PABPC4L: variants seen among roughly 807,000 people sequenced by gnomAD.
PABPC4L encodes poly(A) binding protein cytoplasmic 4 like.
For synonymous variants in PABPC4L, 169 were observed against 164.1 expected (o/e 1.03, Z -0.23); for missense variants, 452 against 451.4 (o/e 1.00, Z -0.01).
At chr4:134,078,024 A>C in the PABPC4L span, among the ~76,000 whole-genome samples, 2 of 152,180 alleles carry the variant, frequency 1.3e-5, no homozygotes, top group South Asian at 4.1e-4. Context: ...CAAAAAAGAT[A>C]TTTAAAAAAT....
chr4:134,152,447 C>A, the PABPC4L span, among the ~76,000 whole-genome samples: 1 of 152,166 alleles, frequency 6.6e-6, no homozygotes, highest in African/African-American at 2.4e-5. Context: ...CACAGCTCCA[C>A]TAAGCAAAGC....
the PABPC4L span, among the ~76,000 whole-genome samples, chr4:134,035,882 G>A: frequency 1.3e-5 from 2 of 151,820 alleles, no homozygotes; most frequent in African/African-American, 4.8e-5. Context: ...TCATTTGCTT[G>A]TTTTTCTTAT....
At chr4:134,021,211 A>G in the PABPC4L span, among the ~76,000 whole-genome samples, 20 of 152,282 alleles carry the variant, frequency 1.3e-4, no homozygotes, top group African/African-American at 4.6e-4. Flanking sequence ...TAAGGAAGTA[A>G]TCTTAAGAAA....
At chr4:134,011,160 C>G in the PABPC4L span, among the ~76,000 whole-genome samples, 1 of 151,972 alleles carries the variant, frequency 6.6e-6, no homozygotes, top group Admixed American at 6.6e-5. Context: ...CATTTTGTGG[C>G]TCAAATAAGA....
the PABPC4L span, among the ~76,000 whole-genome samples, chr4:134,155,007 T>C: frequency 6.6e-4 from 100 of 152,186 alleles, no homozygotes; most frequent in African/African-American, 2.3e-3. Flanking sequence ...AAATCACCAT[T>C]ATTATACAAA....
At chr4:134,195,451 CA>C (rs1261504509), downstream of PABPC4L, among the ~76,000 whole-genome samples, 1 of 151,410 alleles carries the variant, frequency 6.6e-6, no homozygotes, top group Admixed American at 6.6e-5. Flanking sequence ...GCAAAAAAAA[CA>C]ATAATTATAT....
chr4:134,092,690 T>C, the PABPC4L span, among the ~76,000 whole-genome samples: 1 of 151,942 alleles, frequency 6.6e-6, no homozygotes, highest in Non-Finnish European at 1.5e-5. Flanking sequence ...TAAATGCATT[T>C]AAGGGCACTC....
At chr4:134,100,979 G>A in the PABPC4L span, among the ~76,000 whole-genome samples, 2 of 150,884 alleles carry the variant, frequency 1.3e-5, no homozygotes, top group Admixed American at 1.3e-4. Context: ...ATCTTCTAAG[G>A]AAAATACATA....
the PABPC4L span, among the ~76,000 whole-genome samples, chr4:134,067,907 G>T: frequency 6.6e-6 from 1 of 151,900 alleles, no homozygotes; most frequent in East Asian, 1.9e-4. Flanking sequence ...TTATGAGTTT[G>T]GGTTGTTTGA....
At chr4:134,120,581 A>T in the PABPC4L span, among the ~76,000 whole-genome samples, 29 of 151,020 alleles carry the variant, frequency 1.9e-4, no homozygotes, top group South Asian at 2.1e-4. Context: ...AAACGTCTTT[A>T]TTATAACATC....
At chr4:133,955,772 C>G in the PABPC4L span, among the ~76,000 whole-genome samples, 1 of 152,078 alleles carries the variant, frequency 6.6e-6, no homozygotes, top group Non-Finnish European at 1.5e-5. Context: ...GGGGGTTATG[C>G]CTGTATTTTT....
the PABPC4L span, among the ~76,000 whole-genome samples, chr4:134,073,659 G>A: frequency 6.6e-6 from 1 of 152,178 alleles, no homozygotes; most frequent in African/African-American, 2.4e-5. Context: ...CTCCATGAGG[G>A]CTTTGCTCCT....
downstream of PABPC4L, among the ~76,000 whole-genome samples, chr4:134,192,799 G>A (rs1729548242): frequency 6.6e-6 from 1 of 152,034 alleles, no homozygotes; most frequent in Non-Finnish European, 1.5e-5. Flanking sequence ...TTTGAATAAA[G>A]TTTAAGGTAA....
chr4:134,014,305 C>T, the PABPC4L span, among the ~76,000 whole-genome samples: 1 of 152,154 alleles, frequency 6.6e-6, no homozygotes, highest in African/African-American at 2.4e-5. Context: ...CAAGTAGCAA[C>T]ATATTTCTGA....
At chr4:134,110,172 G>A in the PABPC4L span, among the ~76,000 whole-genome samples, 2 of 151,888 alleles carry the variant, frequency 1.3e-5, no homozygotes, top group Non-Finnish European at 2.9e-5. Flanking sequence ...TCAATGGTGG[G>A]CAATAAAGTA....
At chr4:134,042,333 T>C in the PABPC4L span, among the ~76,000 whole-genome samples, 1,636 of 152,188 alleles carry the variant, frequency 0.011, 29 homozygotes, top group African/African-American at 0.034. Flanking sequence ...AAACTACCTA[T>C]TGGATACAAC....
chr4:134,023,285 G>A, the PABPC4L span, among the ~76,000 whole-genome samples: 2 of 152,108 alleles, frequency 1.3e-5, no homozygotes, highest in Non-Finnish European at 1.5e-5. Flanking sequence ...AATTTACCAA[G>A]TCTAAACTTT....
At chr4:133,982,963 A>G in the PABPC4L span, among the ~76,000 whole-genome samples, 1 of 151,992 alleles carries the variant, frequency 6.6e-6, no homozygotes, top group Admixed American at 6.6e-5. Context: ...TTTAAACTGT[A>G]AAACACACAA....
the PABPC4L span, among the ~76,000 whole-genome samples, chr4:133,987,058 GT>G: frequency 1.3e-5 from 2 of 152,214 alleles, no homozygotes; most frequent in South Asian, 4.1e-4. Flanking sequence ...TGTTGATAAT[GT>G]TCCACAGTCA....
Sources: allele counts gnomAD v4.1 joint callset (sites outside exome capture counted in the v4.1 genomes callset), GRCh38; gene constraint gnomAD v4.1.1; transcripts MANE v1.5; gene names NCBI Gene and HGNC (gene_info 2026-07-23, HGNC 2026-07-21).